VIT: variants seen among roughly 807,000 people sequenced by gnomAD.
VIT encodes vitrin.
Under a neutral mutation model 78.0 loss-of-function variants are expected in VIT, and 99 were observed. That is an observed-to-expected ratio of 1.27 (90% CI 1.08 to 1.50). The LOEUF (loss-of-function observed/expected upper bound fraction) is 1.50. VIT is among the 40% of genes most tolerant of loss of function. The probability of loss-of-function intolerance (pLI) is 0.00; values close to 1 mark genes in which losing one functional copy is unlikely to be tolerated. For synonymous variants in VIT, 374 were observed against 334.3 expected (o/e 1.12, Z -1.29); for missense variants, 1,126 against 875.3 (o/e 1.29, Z -3.61).
intron 11 of VIT, among the ~76,000 whole-genome samples, chr2:36,785,348 C>G (rs542288246): frequency 6.6e-6 from 1 of 151,998 alleles, no homozygotes; most frequent in Non-Finnish European, 1.5e-5. Context: ...GGCGGCAAAC[C>G]CTGAAGAACT....
intron 2 of VIT, among the ~76,000 whole-genome samples, chr2:36,723,980 G>A (rs557017025): frequency 9.2e-6 from 1 of 108,630 alleles, no homozygotes; most frequent in East Asian, 3.4e-4. Context: ...GGGGAGGGGA[G>A]GGGGGGGATT....
intron 2 of VIT, among the ~76,000 whole-genome samples, chr2:36,719,042 C>T (rs574868294): frequency 6.6e-6 from 1 of 152,324 alleles, no homozygotes; most frequent in East Asian, 1.9e-4. Context: ...GGCCATTTCA[C>T]CTTCTGCATG....
At chr2:36,719,576 T>C (rs895510219) in intron 2 of VIT, among the ~76,000 whole-genome samples, 1 of 102,818 alleles carries the variant, frequency 9.7e-6, no homozygotes, top group Non-Finnish European at 2.3e-5. Context: ...TTTACGATAG[T>C]ATCAAAAAAA....
intron 9 of VIT, among the ~76,000 whole-genome samples, chr2:36,779,992 G>A (rs1664630532): frequency 6.6e-6 from 1 of 152,156 alleles, no homozygotes; most frequent in Admixed American, 6.5e-5. Context: ...GACCCAGGAT[G>A]GGCTTCTGAT....
intron 1 of VIT, among the ~76,000 whole-genome samples, chr2:36,699,719 A>G (rs1458499751): frequency 6.6e-6 from 1 of 152,168 alleles, no homozygotes; most frequent in African/African-American, 2.4e-5. Flanking sequence ...AAGTTGTATG[A>G]AAGACTTTTT....
intron 2 of VIT, among the ~76,000 whole-genome samples, chr2:36,720,212 G>A (rs1416978943): frequency 6.6e-6 from 1 of 152,114 alleles, no homozygotes; most frequent in East Asian, 1.9e-4. Context: ...GAACAAAGGT[G>A]GAGGCATCAA....
chr2:36,705,195 G>A (rs1665336003), intron 1 of VIT, among the ~76,000 whole-genome samples: 1 of 152,072 alleles, frequency 6.6e-6, no homozygotes, highest in Non-Finnish European at 1.5e-5. Flanking sequence ...AGCAATCATG[G>A]CCCACCTCGT....
At chr2:36,788,536 C>A (rs1282810528) in intron 12 of VIT, among the ~76,000 whole-genome samples, 1 of 152,172 alleles carries the variant, frequency 6.6e-6, no homozygotes, top group East Asian at 1.9e-4. Flanking sequence ...CCCATTGCTG[C>A]AAATGTCACC....
chr2:36,711,619 C>T (rs1211276981), intron 1 of VIT, among the ~76,000 whole-genome samples: 1 of 152,182 alleles, frequency 6.6e-6, no homozygotes, highest in Non-Finnish European at 1.5e-5. Context: ...ACTCACTTTC[C>T]CAACAAACGT....
chr2:36,743,044 C>A, intron 3 of VIT, 56 bp from the exon 4 acceptor site: 1 of 1,601,676 alleles, frequency 6.2e-7, no homozygotes, highest in Non-Finnish European at 8.5e-7. Flanking sequence ...ACAGTGTCAC[C>A]CCACAGATAA....
chr2:36,717,981 C>T (rs1464873479), intron 2 of VIT, among the ~76,000 whole-genome samples: 1 of 152,176 alleles, frequency 6.6e-6, no homozygotes, highest in Middle Eastern at 3.2e-3. Context: ...GTTTCTTTGG[C>T]CTGTACATGT....
chr2:36,707,914 A>G (rs1052800805), intron 1 of VIT, among the ~76,000 whole-genome samples: 3 of 151,740 alleles, frequency 2.0e-5, no homozygotes, highest in Non-Finnish European at 4.4e-5. Flanking sequence ...AAAAATCAAG[A>G]AAGAAAGAAA....
chr2:36,702,417 A>T lies in VIT; in HGVS notation c.-19+5444A>T, dbSNP rs565830270. Reference sequence around the variant, plus strand: ...CCAAGCTCAGAGGATTTTTTTTTTTAAAAAAGACCCTGTTCATATTCCACT... The same window carrying T: ...CCAAGCTCAGAGGATTTTTTTTTTTTAAAAAGACCCTGTTCATATTCCACT... On this transcript the variant is annotated intron_variant, in intron 1 of 15. Coordinates refer to ENST00000379242, the MANE Select transcript of VIT (RefSeq NM_053276.4). Among the ~76,000 whole-genome samples, 624 of 95,284 alleles carry T rather than the reference A, an allele frequency of 6.5e-3. 10 individuals are homozygous for T. The highest frequency in any genetic ancestry group is 0.021 in the African/African-American group (586 of 28,036). 62.5% of individuals were successfully genotyped at this position (95,284 alleles called of 152,430 possible). A position where few individuals can be genotyped will look rare whatever the true frequency, so the allele number is the denominator to read the frequency against.
In VIT at chr2:36,798,349, T is replaced by C. The variant is rs150973640; in HGVS notation, c.1059-2952T>C. Among the ~76,000 whole-genome samples, 906 of 151,972 alleles carry C rather than the reference T, an allele frequency of 6.0e-3. 12 individuals are homozygous for C. The highest frequency in any genetic ancestry group is 0.026 in the South Asian group (127 of 4,798). Reference sequence around the variant, plus strand: ...CCGGTGTTACAGTAGACATACAGGGTAGGGAATAAAAGCGAATGAATGTAT... The same window carrying C: ...CCGGTGTTACAGTAGACATACAGGGCAGGGAATAAAAGCGAATGAATGTAT... On this transcript the variant is annotated intron_variant, in intron 12 of 15. Coordinates refer to ENST00000379242, the MANE Select transcript of VIT (RefSeq NM_053276.4).
intron 8 of VIT, among the ~76,000 whole-genome samples, 157 bp downstream of exon 8, chr2:36,774,004 A>G (rs1368863215): frequency 3.3e-5 from 5 of 152,176 alleles, no homozygotes; most frequent in Non-Finnish European, 7.3e-5. Flanking sequence ...AACTTCTAAG[A>G]AAACATGTAA....
At chr2:36,804,754 TG>T (rs1206536341) in intron 13 of VIT, among the ~76,000 whole-genome samples, 9 of 150,924 alleles carry the variant, frequency 6.0e-5, no homozygotes, top group Non-Finnish European at 1.3e-4. Context: ...CACTTGAACC[TG>T]GGAGGTGGAG....
chr2:36,698,413 G>C (rs970516864), intron 1 of VIT, among the ~76,000 whole-genome samples: 1 of 152,148 alleles, frequency 6.6e-6, no homozygotes. Flanking sequence ...AAGACACATT[G>C]AATACAGGAA....
chr2:36,759,661 C>T, intron 6 of VIT: 1 of 990,186 alleles, frequency 1.0e-6, no homozygotes, highest in South Asian at 4.6e-5. Context: ...CAAAGAGAAA[C>T]TGTGAGTCGC....
intron 13 of VIT, among the ~76,000 whole-genome samples, chr2:36,804,536 G>C (rs555071919): frequency 6.6e-6 from 1 of 152,194 alleles, no homozygotes; most frequent in African/African-American, 2.4e-5. Flanking sequence ...ACTTCTGTTC[G>C]CATGAAAGTC....
Sources: gnomAD v4.1 joint callset for allele counts (sites outside exome capture counted in the v4.1 genomes callset) on GRCh38, gnomAD v4.1.1 for gene constraint, MANE v1.5 for transcripts, NCBI Gene and HGNC (gene_info 2026-07-23, HGNC 2026-07-21) for gene names.